The following SLC35F4 variants were observed in gnomAD, a reference collection of about 807,000 sequenced individuals.
SLC35F4 encodes solute carrier family 35 member F4, also known as chromosome 14 open reading frame 36.
Under a neutral mutation model 44.2 loss-of-function variants are expected in SLC35F4, and 24 were observed. The ratio of observed to expected loss-of-function variants is 0.54; its 90% CI spans 0.39 to 0.76. SLC35F4 has a LOEUF of 0.76. Ranked by LOEUF, SLC35F4 falls within the 30% of genes least tolerant of loss-of-function variation. The pLI, the probability that SLC35F4 is intolerant of heterozygous loss-of-function variation, is 0.00. For synonymous variants in SLC35F4, 238 were observed against 223.6 expected (o/e 1.06, Z -0.57); for missense variants, 562 against 586.1 (o/e 0.96, Z 0.42).
intron 1 of SLC35F4, among the ~76,000 whole-genome samples, chr14:57,744,951 A>G (rs1271385655): frequency 6.6e-6 from 1 of 151,582 alleles, no homozygotes; most frequent in Non-Finnish European, 1.5e-5. Context: ...TCTACTAACC[A>G]TCTGATCTTT....
At chr14:57,774,352 C>A (rs916572020) in intron 1 of SLC35F4, among the ~76,000 whole-genome samples, 2 of 152,154 alleles carry the variant, frequency 1.3e-5, no homozygotes, top group Non-Finnish European at 2.9e-5. Flanking sequence ...TGCAGGAGAC[C>A]TCTTGACCAC....
chr14:57,670,442 C>A (rs927324092), intron 1 of SLC35F4, among the ~76,000 whole-genome samples: 6 of 151,932 alleles, frequency 3.9e-5, no homozygotes, highest in Non-Finnish European at 5.9e-5. Context: ...AATTTTAGAT[C>A]TTTCCTGCTT....
chr14:57,977,310 G>T (rs773880309), intron 1 of SLC35F4, among the ~76,000 whole-genome samples: 1 of 152,212 alleles, frequency 6.6e-6, no homozygotes, highest in Non-Finnish European at 1.5e-5. Context: ...TCTGCCGCTT[G>T]AACCACATGG....
At chr14:57,944,812 C>A (rs1594643088) in intron 1 of SLC35F4, among the ~76,000 whole-genome samples, 1 of 151,452 alleles carries the variant, frequency 6.6e-6, no homozygotes, top group Admixed American at 6.6e-5. Context: ...GAAAAGAAAA[C>A]CTGACAGAGC....
At chr14:57,845,778 A>C (rs183340637) in intron 1 of SLC35F4, among the ~76,000 whole-genome samples, 3 of 152,322 alleles carry the variant, frequency 2.0e-5, no homozygotes, top group Admixed American at 2.0e-4. Context: ...CAAGTATGTT[A>C]TATGCTTTGC....
At chr14:57,700,923 C>A (rs1261430468) in intron 1 of SLC35F4, among the ~76,000 whole-genome samples, 1 of 151,970 alleles carries the variant, frequency 6.6e-6, no homozygotes, top group East Asian at 1.9e-4. Flanking sequence ...CAAAAAAGCC[C>A]CCCAAAAACA....
intron 1 of SLC35F4, among the ~76,000 whole-genome samples, chr14:57,765,649 TTA>T (rs1409149923): frequency 6.6e-6 from 1 of 152,228 alleles, no homozygotes; most frequent in East Asian, 1.9e-4. Context: ...CTGGGTCAGA[TTA>T]TCTCATTTTA....
intron 1 of SLC35F4, among the ~76,000 whole-genome samples, chr14:57,732,568 C>G (rs79093466): frequency 0.012 from 1,793 of 152,124 alleles, 34 homozygotes; most frequent in African/African-American, 0.041. Context: ...CTCTTTGCAA[C>G]CAGAAGTTGA....
At chr14:57,880,059 A>C (rs1888494741) in intron 1 of SLC35F4, among the ~76,000 whole-genome samples, 1 of 93,602 alleles carries the variant, frequency 1.1e-5, no homozygotes, top group Non-Finnish European at 2.4e-5. Context: ...GAAGGAAGGA[A>C]GGAAGGAAGG....
chr14:57,904,117 T>C (rs555335858), intron 1 of SLC35F4, among the ~76,000 whole-genome samples: 1 of 152,348 alleles, frequency 6.6e-6, no homozygotes, highest in African/African-American at 2.4e-5. Context: ...CAACTCTGCA[T>C]CAATTTGTCA....
chr14:57,621,119 A>G (rs2072155519), intron 1 of SLC35F4, among the ~76,000 whole-genome samples: 1 of 151,848 alleles, frequency 6.6e-6, no homozygotes, highest in Admixed American at 6.6e-5. Context: ...AGGGATGTGA[A>G]GGACCTCTTC....
intron 1 of SLC35F4, among the ~76,000 whole-genome samples, chr14:57,872,105 A>T (rs1888307045): frequency 6.6e-6 from 1 of 152,220 alleles, no homozygotes; most frequent in Admixed American, 6.5e-5. Flanking sequence ...ATGCATCCAT[A>T]AAACACAGAC....
intron 1 of SLC35F4, among the ~76,000 whole-genome samples, chr14:57,957,410 A>C (rs531383228): frequency 6.8e-6 from 1 of 146,558 alleles, no homozygotes; most frequent in Admixed American, 6.8e-5. Context: ...CACGTTCTGC[A>C]CACGTACCCC....
At chr14:57,632,830 G>C (rs148275179) in intron 1 of SLC35F4, among the ~76,000 whole-genome samples, 358 of 152,152 alleles carry the variant, frequency 2.4e-3, no homozygotes, top group African/African-American at 7.9e-3. Context: ...CACCATTGGA[G>C]TATCATACAG....
intron 3 of SLC35F4, among the ~76,000 whole-genome samples, chr14:57,587,768 C>T (rs776774418): frequency 1.5e-5 from 2 of 134,846 alleles, no homozygotes; most frequent in Non-Finnish European, 3.2e-5. Context: ...ACTTAAAGTA[C>T]AATAAAAACA....
rs1430392747 is a variant in SLC35F4 at position 57,564,204 on chromosome 14, C to G, written c.1389G>C (p.Val463=). 4 of 1,613,564 alleles carry G rather than the reference C, an allele frequency of 2.5e-6. No individual in the cohort carries two copies. The highest frequency in any genetic ancestry group is 3.4e-6 in the Non-Finnish European group (4 of 1,179,776). The change falls in exon 8 of 8, where the codon GTG becomes GTC. Residue 463 remains valine, a synonymous_variant. Coordinates refer to ENST00000556826, the MANE Select transcript of SLC35F4 (RefSeq NM_001306087.2). ...EKKSEEHVDD[V]TDPSIHLRGR... is the part of the protein sequence containing the mutation. ...CCCGCAGGTGTATGCTGGGATCAGT[C>G]ACATCATCCACATGCTCCTCACTCT...
At chr14:57,713,132 G>T (rs1293676866) in intron 1 of SLC35F4, among the ~76,000 whole-genome samples, 1 of 152,014 alleles carries the variant, frequency 6.6e-6, no homozygotes, top group Non-Finnish European at 1.5e-5. Flanking sequence ...TCTCCACATT[G>T]CTCCATCCTC....
chr14:57,772,191 G>A (rs893726946), intron 1 of SLC35F4, among the ~76,000 whole-genome samples: 6 of 152,144 alleles, frequency 3.9e-5, no homozygotes, highest in South Asian at 2.1e-4. Flanking sequence ...TGACTTAGCC[G>A]AAGAGGAGAA....
At chr14:57,613,006 G>T (rs1296207772) in intron 1 of SLC35F4, among the ~76,000 whole-genome samples, 1 of 152,184 alleles carries the variant, frequency 6.6e-6, no homozygotes, top group African/African-American at 2.4e-5. Flanking sequence ...CGTACTGATG[G>T]TAACTTTTAG....
Sources: allele counts gnomAD v4.1 joint callset (sites outside exome capture counted in the v4.1 genomes callset), GRCh38; gene constraint gnomAD v4.1.1; transcripts MANE v1.5; gene names NCBI Gene and HGNC (gene_info 2026-07-23, HGNC 2026-07-21).